The following MAP3K20 variants were observed in gnomAD, a reference collection of about 807,000 sequenced individuals.
The protein encoded by MAP3K20 is mitogen-activated protein kinase kinase kinase 20.
A neutral mutation model predicts 85.7 loss-of-function variants in MAP3K20; 40 were observed. That is an observed-to-expected ratio of 0.47 (90% CI 0.36 to 0.61). The LOEUF (loss-of-function observed/expected upper bound fraction) is 0.61. Among genes scored for constraint, MAP3K20 ranks in the 20% least tolerant of loss-of-function variants. The pLI, the probability that MAP3K20 is intolerant of heterozygous loss-of-function variation, is 0.00. For missense variants in MAP3K20, 817 were observed against 961.7 expected, an observed-to-expected ratio of 0.85 and a Z score of 1.99; for synonymous variants, 325 against 327.7, an observed-to-expected ratio of 0.99 and a Z score of 0.09.
At chr2:173,242,811 A>G (rs1306623811) in intron 16 of MAP3K20, among the ~76,000 whole-genome samples, 2 of 148,690 alleles carry the variant, frequency 1.3e-5, no homozygotes, top group African/African-American at 5.0e-5. Context: ...GGTTCAAGCA[A>G]TTCTCCTGCC....
At chr2:173,113,612 A>G (rs148542341) in intron 2 of MAP3K20, among the ~76,000 whole-genome samples, 2 of 152,296 alleles carry the variant, frequency 1.3e-5, no homozygotes, top group East Asian at 3.9e-4. Context: ...TTCAGTTTGA[A>G]AAATTTTTAA....
intron 1 of MAP3K20, among the ~76,000 whole-genome samples, chr2:173,084,528 A>G (rs1278990507): frequency 6.6e-6 from 1 of 152,230 alleles, no homozygotes; most frequent in Non-Finnish European, 1.5e-5. Context: ...TTCAGAAATG[A>G]CAAAAACCAA....
chr2:173,220,347 T>C (rs1684207619), intron 11 of MAP3K20, among the ~76,000 whole-genome samples: 1 of 152,158 alleles, frequency 6.6e-6, no homozygotes, highest in African/African-American at 2.4e-5. Flanking sequence ...CCACTGTGAG[T>C]GGTGACATCT....
At chr2:173,191,843 G>A (rs528397452) in intron 7 of MAP3K20, among the ~76,000 whole-genome samples, 1 of 152,176 alleles carries the variant, frequency 6.6e-6, no homozygotes, top group Non-Finnish European at 1.5e-5. Context: ...GAATGAATCC[G>A]TTAAGGAGCA....
rs531728509 is a variant in MAP3K20 at position 173,110,669 on chromosome 2, G to A, written c.159+19479G>A. Among the ~76,000 whole-genome samples, 364 of 152,084 alleles carry A rather than the reference G, an allele frequency of 2.4e-3. 2 individuals are homozygous for A. Among genetic ancestry groups the A allele is most frequent in the Non-Finnish European group, 2.5e-3 (172 of 67,988 alleles). ...CTCCCACATATCAGTGAGAATATATGATGTTTGGTTTTCCATTCCTGAGTT... is the reference window on the plus strand; with the variant it reads ...CTCCCACATATCAGTGAGAATATATAATGTTTGGTTTTCCATTCCTGAGTT... On this transcript the variant is annotated intron_variant, in intron 2 of 19. Transcript: ENST00000375213.
At chr2:173,262,332 G>T (rs959934902) in intron 18 of MAP3K20, among the ~76,000 whole-genome samples, 22 of 152,128 alleles carry the variant, frequency 1.4e-4, no homozygotes, top group African/African-American at 5.3e-4. Context: ...AGGCACGGTG[G>T]CTCAAGCCTG....
intron 11 of MAP3K20, chr2:173,221,200 TA>T: frequency 6.3e-7 from 1 of 1,583,894 alleles, no homozygotes; most frequent in Non-Finnish European, 8.6e-7. Context: ...ACTTTGAATC[TA>T]AAACAGAGGA....
chr2:173,110,618 T>C lies in MAP3K20; in HGVS notation c.159+19428T>C, dbSNP rs371129000. Among the ~76,000 whole-genome samples the C allele has an allele frequency of 5.3e-5, 8 of 152,156 alleles. No individual in the cohort carries two copies. In the East Asian group the frequency reaches 1.6e-3, roughly 29 times the overall value. On this transcript the variant is annotated intron_variant, in intron 2 of 19. Coordinates refer to ENST00000375213, the MANE Select transcript of MAP3K20 (RefSeq NM_016653.3). Reference sequence around the variant, plus strand: ...TCCCCAAAGCCCATTGCATCATTCTTATGCATTTGCGTCCTCATAGCTTAG... The same window carrying C: ...TCCCCAAAGCCCATTGCATCATTCTCATGCATTTGCGTCCTCATAGCTTAG...
At chr2:173,126,814 G>A (rs1688458784) in intron 2 of MAP3K20, among the ~76,000 whole-genome samples, 1 of 152,204 alleles carries the variant, frequency 6.6e-6, no homozygotes, top group African/African-American at 2.4e-5. Flanking sequence ...GCTTCGAAAA[G>A]CAAGCCAGAC....
At position 173,134,428 on chromosome 2, in the gene MAP3K20, A is replaced by ATTTTTTTTTT. The variant is rs1274644433; in HGVS notation, c.160-35367_160-35358dup. On this transcript the variant is annotated intron_variant, in intron 2 of 19. Transcript: ENST00000375213. ...TATATATATATATATATATATATAT[A>ATTTTTTTTTT]TTTTTTTTTTTTTTTTTTTGCAGAG... Among the ~76,000 whole-genome samples, 23 of 3,154 alleles carry ATTTTTTTTTT rather than the reference A, an allele frequency of 7.3e-3. 6 individuals carry two copies. The highest frequency in any genetic ancestry group is 0.012 in the African/African-American group (12 of 974). 2.1% of individuals were successfully genotyped at this position (3,154 alleles called of 152,430 possible). A position where few individuals can be genotyped will look rare whatever the true frequency, so the allele number is the denominator to read the frequency against.
At chr2:173,087,361 G>A (rs1012559043) in intron 1 of MAP3K20, among the ~76,000 whole-genome samples, 3 of 152,190 alleles carry the variant, frequency 2.0e-5, no homozygotes, top group African/African-American at 7.2e-5. Context: ...GTGTAGAAAT[G>A]TGGAGATGTG....
chr2:173,208,637 C>G (rs965174645), intron 9 of MAP3K20, among the ~76,000 whole-genome samples: 4 of 151,816 alleles, frequency 2.6e-5, no homozygotes, highest in African/African-American at 9.7e-5. Flanking sequence ...AATGGCAGAA[C>G]TCATTATATA....
chr2:173,239,618 G>C (rs1684734875), intron 16 of MAP3K20, 122 bp downstream of exon 16: 1 of 837,958 alleles, frequency 1.2e-6, no homozygotes, highest in Admixed American at 3.5e-5. Context: ...TAAATTTATA[G>C]ACTTTATAAA....
At chr2:173,126,828 C>T (rs572800362) in intron 2 of MAP3K20, among the ~76,000 whole-genome samples, 312 of 152,334 alleles carry the variant, frequency 2.0e-3, no homozygotes, top group African/African-American at 7.2e-3. Context: ...GCCAGACATT[C>T]TGTAGGCAGC....
intron 8 of MAP3K20, among the ~76,000 whole-genome samples, chr2:173,199,662 GTTT>G (rs71018542): frequency 3.9e-4 from 51 of 130,588 alleles, no homozygotes; most frequent in South Asian, 9.8e-4. Flanking sequence ...GAGAAAGGTT[GTTT>G]TTTTTTTTTT....
At chr2:173,169,402 A>G (rs921203144) in intron 2 of MAP3K20, among the ~76,000 whole-genome samples, 6 of 152,188 alleles carry the variant, frequency 3.9e-5, no homozygotes, top group African/African-American at 1.4e-4. Context: ...TGTTGGGCAC[A>G]TATATACCTT....
intron 19 of MAP3K20, 64 bp from the exon 20 acceptor site, chr2:173,265,986 C>G (rs7593499): frequency 2.7e-6 from 4 of 1,467,306 alleles, no homozygotes; most frequent in Non-Finnish European, 2.8e-6. Context: ...CTAAGACAGG[C>G]GTATGAATTA....
At chr2:173,262,161 T>C (rs1175740555) in intron 18 of MAP3K20, among the ~76,000 whole-genome samples, 4 of 152,192 alleles carry the variant, frequency 2.6e-5, no homozygotes, top group Non-Finnish European at 4.4e-5. Flanking sequence ...TTTCTGACTA[T>C]AAAAAACACT....
intron 2 of MAP3K20, among the ~76,000 whole-genome samples, chr2:173,157,982 G>A (rs1317517664): frequency 6.6e-6 from 1 of 152,170 alleles, no homozygotes; most frequent in Non-Finnish European, 1.5e-5. Context: ...ATTCAAATTA[G>A]GTTTGTGAAG....
Sources: allele counts gnomAD v4.1 joint callset (sites outside exome capture counted in the v4.1 genomes callset), GRCh38; gene constraint gnomAD v4.1.1; transcripts MANE v1.5; gene names NCBI Gene and HGNC (gene_info 2026-07-23, HGNC 2026-07-21).